PPP6R3: variants seen among roughly 807,000 people sequenced by gnomAD.
PPP6R3 encodes the protein serine/threonine-protein phosphatase 6 regulatory subunit 3.
In PPP6R3, 38 loss-of-function variants were observed where a neutral mutation model predicts 110.7. That is an observed-to-expected ratio of 0.34 (90% confidence interval 0.26 to 0.45). PPP6R3 has a LOEUF of 0.45. Ranked by LOEUF, PPP6R3 falls within the 20% of genes least tolerant of loss-of-function variation. PPP6R3 has a pLI of 1.00. For synonymous variants in PPP6R3, 369 were observed against 373.5 expected, an observed-to-expected ratio of 0.99 and a Z score of 0.14; for missense variants, 870 against 1,062.4, an observed-to-expected ratio of 0.82 and a Z score of 2.52.
intron 1 of PPP6R3, among the ~76,000 whole-genome samples, chr11:68,466,845 C>T (rs1028672605): frequency 6.6e-6 from 1 of 152,064 alleles, no homozygotes; most frequent in African/African-American, 2.4e-5. Context: ...CATCTCCTGA[C>T]CTTGTGATCC....
At chr11:68,608,378 C>CT (rs1566195450) in intron 22 of PPP6R3, among the ~76,000 whole-genome samples, 1 of 152,252 alleles carries the variant, frequency 6.6e-6, no homozygotes, top group Middle Eastern at 3.2e-3. Flanking sequence ...TGATACTCTT[C>CT]TTACACGAGC....
chr11:68,550,918 T>C (rs2099369202), intron 5 of PPP6R3: 2 of 506,844 alleles, frequency 3.9e-6, no homozygotes, highest in South Asian at 6.4e-5. Flanking sequence ...GGGGAGTTGT[T>C]GGTACTGTTG....
Position 68,613,391 on chromosome 11 carries a change from C to A in PPP6R3, c.*274C>A. 8.6e-7 allele frequency: 1 copy of A among 1,161,618 alleles called. No individual in the cohort carries two copies. Among genetic ancestry groups the A allele is most frequent in the Non-Finnish European group, 1.1e-6 (1 of 942,586 alleles). 72.0% of individuals were successfully genotyped at this position (1,161,618 alleles called of 1,614,324 possible). On this transcript the variant is annotated 3_prime_UTR_variant, in exon 24 of 24. Transcript: ENST00000393800. The stretch of plus-strand genomic sequence containing the variant: ...AGCCTGTGAAATAAGATCTTGCCAC[C>A]CATGTAATAATAGTAGTAATACTAT...
intron 1 of PPP6R3, among the ~76,000 whole-genome samples, chr11:68,492,719 C>A (rs1009378216): frequency 2.0e-5 from 3 of 152,210 alleles, no homozygotes; most frequent in Non-Finnish European, 2.9e-5. Flanking sequence ...TACCATTTTA[C>A]ATTTCCCCAG....
chr11:68,556,741 T>C (rs920335762), intron 7 of PPP6R3, among the ~76,000 whole-genome samples: 1 of 152,212 alleles, frequency 6.6e-6, no homozygotes, highest in Non-Finnish European at 1.5e-5. Context: ...TGTGAAGGCA[T>C]TCCTTTTATT....
intron 14 of PPP6R3, among the ~76,000 whole-genome samples, chr11:68,581,926 C>CT (rs2099556170): frequency 6.6e-6 from 1 of 152,198 alleles, no homozygotes; most frequent in African/African-American, 2.4e-5. Context: ...GGCTTGGTGT[C>CT]TTTACCAAAG....
intron 3 of PPP6R3, among the ~76,000 whole-genome samples, chr11:68,540,282 G>C (rs978929784): frequency 6.6e-6 from 1 of 152,180 alleles, no homozygotes; most frequent in Non-Finnish European, 1.5e-5. Flanking sequence ...GTTCAGAAGA[G>C]AGATTTTAAA....
chr11:68,531,553 A>G (rs2099240742), intron 2 of PPP6R3, among the ~76,000 whole-genome samples: 1 of 151,992 alleles, frequency 6.6e-6, no homozygotes, highest in Admixed American at 6.6e-5. Flanking sequence ...TGGCCTTCCA[A>G]AATGCTGGGA....
chr11:68,571,750 A>G (rs1468935094), intron 12 of PPP6R3, among the ~76,000 whole-genome samples: 1 of 152,148 alleles, frequency 6.6e-6, no homozygotes, highest in African/African-American at 2.4e-5. Flanking sequence ...AACACTCTGA[A>G]GGCATGCTTC....
chr11:68,611,549 C>T (rs1169732559), intron 23 of PPP6R3, among the ~76,000 whole-genome samples: 2 of 152,162 alleles, frequency 1.3e-5, no homozygotes, highest in Non-Finnish European at 2.9e-5. Flanking sequence ...CACTTGGGTC[C>T]ATGCCTTTAT....
chr11:68,550,128 T>A (rs548281300), intron 5 of PPP6R3, among the ~76,000 whole-genome samples: 16 of 152,366 alleles, frequency 1.1e-4, no homozygotes, highest in African/African-American at 3.6e-4. Flanking sequence ...CTTGGCCTAC[T>A]GAATCAGAAT....
intron 1 of PPP6R3, among the ~76,000 whole-genome samples, chr11:68,478,646 A>ATTTTTTTTTTTT (rs1565292839): frequency 9.3e-5 from 1 of 10,752 alleles, no homozygotes; most frequent in Non-Finnish European, 2.0e-4. Flanking sequence ...GCACTTGGTA[A>ATTTTTTTTTTTT]GTTTTTTTTT....
At chr11:68,529,613 A>G (rs1170574208) in intron 2 of PPP6R3, among the ~76,000 whole-genome samples, 1 of 152,200 alleles carries the variant, frequency 6.6e-6, no homozygotes, top group Non-Finnish European at 1.5e-5. Flanking sequence ...GCATTATTTC[A>G]AGATGAAGGA....
chr11:68,609,834 A>G, intron 22 of PPP6R3, 70 bp from the exon 23 acceptor site: 1 of 1,603,934 alleles, frequency 6.2e-7, no homozygotes, highest in South Asian at 1.1e-5. Context: ...TCTGCATGTG[A>G]CCTCATCCTC....
chr11:68,551,430 G>T (rs1013551487), intron 6 of PPP6R3, among the ~76,000 whole-genome samples: 1 of 152,118 alleles, frequency 6.6e-6, no homozygotes, highest in African/African-American at 2.4e-5. Flanking sequence ...TTCTAGAGCC[G>T]GTATTTCATG....
At chr11:68,501,049 G>A (rs1448397684) in intron 1 of PPP6R3, among the ~76,000 whole-genome samples, 2 of 152,168 alleles carry the variant, frequency 1.3e-5, no homozygotes, top group Non-Finnish European at 2.9e-5. Flanking sequence ...GCAGGGCATC[G>A]TTAGCATGGA....
intron 15 of PPP6R3, chr11:68,586,809 A>G (rs896354098): frequency 6.6e-6 from 1 of 152,242 alleles, no homozygotes; most frequent in Admixed American, 6.5e-5. Flanking sequence ...GCATTTCTGC[A>G]GTGTACATCT....
chr11:68,590,716 TA>T lies in PPP6R3; in HGVS notation c.1785+4del. 6.3e-7 allele frequency: 1 copy of T among 1,591,676 alleles called. No individual in the cohort carries two copies. ...TTTACTCTCAATACAAATGAAAGTGTAAGTATAAACTCTGTTGTGAGCAGTG... is the reference window on the plus strand; with the variant it reads ...TTTACTCTCAATACAAATGAAAGTGTAGTATAAACTCTGTTGTGAGCAGTG... On this transcript the variant is annotated splice_donor_region_variant and intron_variant, in intron 17 of 23. Coordinates refer to ENST00000393800, the MANE Select transcript of PPP6R3 (RefSeq NM_001164161.2).
chr11:68,494,028 G>A (rs1255108341), intron 1 of PPP6R3, among the ~76,000 whole-genome samples: 2 of 151,342 alleles, frequency 1.3e-5, no homozygotes, highest in Non-Finnish European at 2.9e-5. Flanking sequence ...GCGTGAACCC[G>A]GGAGGAGGAG....
Sources: allele counts gnomAD v4.1 joint callset (sites outside exome capture counted in the v4.1 genomes callset), GRCh38; gene constraint gnomAD v4.1.1; transcripts MANE v1.5; gene names NCBI Gene and HGNC (gene_info 2026-07-23, HGNC 2026-07-21).